INTS2: variants seen among roughly 807,000 people sequenced by gnomAD.
INTS2 encodes KIAA1287.
A neutral mutation model predicts 139.6 loss-of-function variants in INTS2; 57 were observed. That is an observed-to-expected ratio of 0.41 (90% CI 0.33 to 0.51). The LOEUF (loss-of-function observed/expected upper bound fraction) is 0.51, where lower values mean the gene tolerates loss of function less well. Ranked by LOEUF, INTS2 falls within the 20% of genes least tolerant of loss-of-function variation. The pLI is 0.28. For synonymous variants in INTS2, 473 were observed against 493.4 expected (o/e 0.96, Z 0.55); for missense variants, 1,196 against 1,436.7 (o/e 0.83, Z 2.71).
In INTS2 at chr17:61,869,192, TA is replaced by T. The variant is rs1449623702; in HGVS notation, c.3139-54del. 3.4e-6 allele frequency: 5 copies of T among 1,462,150 alleles called. No individual in the cohort carries two copies. The highest frequency in any genetic ancestry group is 2.9e-6 in the Non-Finnish European group (3 of 1,048,288). The allele number at this position is 1,462,150 out of a possible 1,614,324, so 90.6% of individuals were successfully genotyped here. A position where few individuals can be genotyped will look rare whatever the true frequency, so the allele number is the denominator to read the frequency against. On this transcript the variant is annotated intron_variant, in intron 22 of 24. Coordinates refer to ENST00000251334, the MANE Select transcript of INTS2 (RefSeq NM_001351695.2). The surrounding 1 kb of genome is among the most constrained non-coding windows in gnomAD (Gnocchi z 5.4). ...GTTTCTCAAGAATATCTTTAGGTAT[TA>T]AAAATTATAAAATGTTTTGTATAAC...
At position 61,876,732 on chromosome 17, in the gene INTS2, T is replaced by C. The variant is rs1261156586; in HGVS notation, c.2456+1155A>G. 3.3e-5 allele frequency among the ~76,000 whole-genome samples: 5 copies of C among 152,108 alleles called. No individual in the cohort carries two copies. Among genetic ancestry groups the C allele is most frequent in the Non-Finnish European group, 7.4e-5 (5 of 68,022 alleles). ...TGCTAAGATTACAGGTGTGGGCCAG[T>C]GCACCCAGCCAAAAAAATGTTAATG... On this transcript the variant is annotated intron_variant, in intron 18 of 24. Transcript: ENST00000251334. This position sits in a 1 kb window ranked among gnomAD's most constrained non-coding sequence, Gnocchi z 4.1.
chr17:61,904,052 C>A (rs2079435662), intron 9 of INTS2, among the ~76,000 whole-genome samples: 1 of 152,158 alleles, frequency 6.6e-6, no homozygotes, highest in African/African-American at 2.4e-5. Context: ...TTTGCCTTAA[C>A]AAATCCTGAA....
intron 17 of INTS2, among the ~76,000 whole-genome samples, chr17:61,879,079 T>C (rs1366679815): frequency 8.3e-6 from 1 of 120,164 alleles, no homozygotes; most frequent in East Asian, 2.2e-4. Flanking sequence ...GTCTTTTTTT[T>C]TTTTTTTTTT....
intron 4 of INTS2, 109 bp downstream of exon 4, chr17:61,921,616 G>GTTTGT (rs796919316): frequency 3.5e-5 from 17 of 484,164 alleles, no homozygotes; most frequent in African/African-American, 3.3e-4. Context: ...CACATAACAT[G>GTTTGT]TTTGTTATAT....
intron 8 of INTS2, among the ~76,000 whole-genome samples, chr17:61,907,203 T>C (rs368164443): frequency 1.2e-4 from 18 of 152,158 alleles, no homozygotes; most frequent in African/African-American, 4.1e-4. Context: ...TATATAGTTC[T>C]GTTTACAATC....
chr17:61,915,797 G>A (rs1415476745), intron 5 of INTS2, among the ~76,000 whole-genome samples: 4 of 124,944 alleles, frequency 3.2e-5, no homozygotes, highest in Non-Finnish European at 4.8e-5. Context: ...GCCACTGGGC[G>A]ACAGAGCAAG....
intron 12 of INTS2, chr17:61,894,103 T>G (rs2079323043): frequency 2.7e-6 from 1 of 370,122 alleles, no homozygotes; most frequent in African/African-American, 2.1e-5. Flanking sequence ...CCTAATTTTT[T>G]GTTTATAAAC....
chr17:61,891,761 A>G, intron 13 of INTS2, 72 bp from the exon 14 acceptor site: 1 of 1,096,018 alleles, frequency 9.1e-7, no homozygotes. Flanking sequence ...ATAAAAGTAC[A>G]TACAGTTTTA....
intron 9 of INTS2, among the ~76,000 whole-genome samples, chr17:61,900,263 A>C (rs1294863055): frequency 6.6e-6 from 1 of 152,222 alleles, no homozygotes; most frequent in African/African-American, 2.4e-5. Context: ...ACTGAGAGTG[A>C]AGACAGACTA....
At chr17:61,921,961 T>G (rs1327640084) in intron 3 of INTS2, 134 bp from the exon 4 acceptor site, 1 of 524,130 alleles carries the variant, frequency 1.9e-6, no homozygotes, top group Non-Finnish European at 3.4e-6. Context: ...GAATATGCAG[T>G]ATTCAATCAA....
intron 12 of INTS2, among the ~76,000 whole-genome samples, chr17:61,894,856 TG>T (rs2079331207): frequency 6.7e-6 from 1 of 149,724 alleles, no homozygotes; most frequent in African/African-American, 2.5e-5. Context: ...AAAAAAGAAA[TG>T]AAAAAAATCC....
At chr17:61,885,974 C>T (rs1293193973) in intron 15 of INTS2, among the ~76,000 whole-genome samples, 3 of 147,694 alleles carry the variant, frequency 2.0e-5, no homozygotes, top group East Asian at 2.0e-4. Context: ...ATGATCCACC[C>T]GCCTTGGCCT....
chr17:61,900,720 G>A (rs967413371), intron 9 of INTS2, among the ~76,000 whole-genome samples: 4 of 152,116 alleles, frequency 2.6e-5, no homozygotes, highest in Admixed American at 1.3e-4. Flanking sequence ...CACTTTGGGA[G>A]GCCAAGGCAG....
chr17:61,922,608 T>C (rs972000329), intron 3 of INTS2, among the ~76,000 whole-genome samples: 18 of 145,834 alleles, frequency 1.2e-4, no homozygotes, highest in Non-Finnish European at 1.8e-4. Flanking sequence ...TAACAAAATC[T>C]ACTAAGCTTT....
intron 8 of INTS2, among the ~76,000 whole-genome samples, chr17:61,905,657 T>C (rs994757939): frequency 2.6e-5 from 4 of 152,172 alleles, no homozygotes; most frequent in Non-Finnish European, 4.4e-5. Context: ...GTAAAGACTT[T>C]ATCAAGAGTA....
At chr17:61,916,649 CAA>C (rs1378103274) in intron 5 of INTS2, among the ~76,000 whole-genome samples, 2 of 152,106 alleles carry the variant, frequency 1.3e-5, no homozygotes, top group Non-Finnish European at 2.9e-5. Context: ...AAAATTAACT[CAA>C]GTTAGATTAA....
intron 8 of INTS2, among the ~76,000 whole-genome samples, chr17:61,905,467 C>G (rs1441318357): frequency 2.0e-5 from 3 of 152,154 alleles, no homozygotes; most frequent in Admixed American, 2.0e-4. Flanking sequence ...GCTGGGACTA[C>G]AGGCACACGC....
At position 61,881,023 on chromosome 17, in the gene INTS2, G is replaced by A; in HGVS notation, c.2238C>T (p.Pro746=). 1.9e-6 allele frequency: 3 copies of A among 1,613,466 alleles called. No individual in the cohort carries two copies. The highest frequency in any genetic ancestry group is 2.5e-6 in the Non-Finnish European group (3 of 1,179,500). Residue 746 remains proline, a synonymous_variant, in exon 17 of 25, where the codon CCC becomes CCT. Coordinates refer to ENST00000251334, the MANE Select transcript of INTS2 (RefSeq NM_001351695.2). ...TTACTATACCTTCTTGGAGTTGTTT[G>A]GGAGAATGATTTTTAGCATTATTAG... ...LLTNNAKNHS[P]KQLQEAFSAV...
In INTS2 at chr17:61,927,711, G is replaced by C. The variant is rs868460757; in HGVS notation, c.-76C>G. ...CACACGGACTCCGCGTCCTAGAGGCGGGACGCGGCAGAAATCGAGAGCGCG... is the reference window on the plus strand; with the variant it reads ...CACACGGACTCCGCGTCCTAGAGGCCGGACGCGGCAGAAATCGAGAGCGCG... On this transcript the variant is annotated 5_prime_UTR_variant, in exon 1 of 25. Coordinates refer to ENST00000251334, the MANE Select transcript of INTS2 (RefSeq NM_001351695.2). 1.0e-4 allele frequency: 149 copies of C among 1,450,808 alleles called. No individual in the cohort carries two copies. In the Middle Eastern group the frequency reaches 1.4e-3, roughly 13 times the overall value. The allele number at this position is 1,450,808 out of a possible 1,614,324, so 89.9% of individuals were successfully genotyped here.
Sources: gnomAD v4.1 joint callset for allele counts (sites outside exome capture counted in the v4.1 genomes callset) on GRCh38, gnomAD v4.1.1 for gene constraint, Gnocchi (gnomAD v3.1) non-coding constraint, MANE v1.5 for transcripts, NCBI Gene and HGNC (gene_info 2026-07-23, HGNC 2026-07-21) for gene names.